CSMD1: variants seen among roughly 807,000 people sequenced by gnomAD.
The protein encoded by CSMD1 is CUB and Sushi multiple domains 1, also known as CUB and sushi domain-containing protein 1.
In CSMD1, 213 loss-of-function variants were observed where a neutral mutation model predicts 417.5. The observed-to-expected ratio is 0.51, with a 90% CI of 0.46 to 0.57. The LOEUF (loss-of-function observed/expected upper bound fraction) is 0.57. Among genes scored for constraint, CSMD1 ranks in the 20% least tolerant of loss-of-function variants. The pLI is 0.00. For missense variants in CSMD1, 6,923 were observed against 4,529.7 expected, an observed-to-expected ratio of 1.53 and a Z score of -15.17; for synonymous variants, 2,862 against 1,736.8, an observed-to-expected ratio of 1.65 and a Z score of -16.11.
intron 3 of CSMD1, among the ~76,000 whole-genome samples, chr8:4,106,600 C>T (rs550430189): frequency 1.3e-5 from 2 of 152,114 alleles, no homozygotes; most frequent in African/African-American, 2.4e-5. Flanking sequence ...ATTAATTTTA[C>T]GAATATATTT....
intron 10 of CSMD1, among the ~76,000 whole-genome samples, chr8:3,545,144 A>C (rs1798605604): frequency 6.6e-6 from 1 of 152,200 alleles, no homozygotes; most frequent in South Asian, 2.1e-4. Flanking sequence ...CTCCGTCATT[A>C]CTTGCAATCT....
intron 5 of CSMD1, among the ~76,000 whole-genome samples, chr8:3,974,333 G>A (rs911315534): frequency 6.6e-5 from 10 of 151,574 alleles, no homozygotes; most frequent in African/African-American, 2.4e-4. Flanking sequence ...CTTAAGCACT[G>A]TTTGAGTAGT....
chr8:3,206,400 G>T lies in CSMD1; in HGVS notation c.4868-780C>A, dbSNP rs1042515266. ...GTCTGTGTGTGTGTATGTGTGTGTG[G>T]GGGGTTATGTCTGTGTGTGTATGTG... On this transcript the variant is annotated intron_variant, in intron 30 of 69. Transcript: ENST00000635120. 8.0e-5 allele frequency among the ~76,000 whole-genome samples: 10 copies of T among 124,392 alleles called. 1 individual carries two copies. Among genetic ancestry groups the T allele is most frequent in the South Asian group, 5.5e-4 (2 of 3,624 alleles). The allele number at this position is 124,392 out of a possible 152,430, so 81.6% of individuals were successfully genotyped here.
chr8:3,587,509 CAT>C (rs1800656393), intron 8 of CSMD1, among the ~76,000 whole-genome samples: 1 of 128,170 alleles, frequency 7.8e-6, no homozygotes, highest in African/African-American at 2.6e-5. Flanking sequence ...ATAGGGGAAA[CAT>C]AAATAGATGC....
At chr8:3,421,495 AGAG>A (rs1430688440) in intron 12 of CSMD1, among the ~76,000 whole-genome samples, 3 of 152,256 alleles carry the variant, frequency 2.0e-5, no homozygotes, top group African/African-American at 4.8e-5. Flanking sequence ...AACAAAGAAT[AGAG>A]GAGTTCTCAC....
chr8:3,316,117 G>A (rs1278326895), intron 23 of CSMD1, among the ~76,000 whole-genome samples: 1 of 152,088 alleles, frequency 6.6e-6, no homozygotes, highest in Non-Finnish European at 1.5e-5. Flanking sequence ...GCACCTACAT[G>A]GATGAACTGA....
chr8:2,968,188 G>A (rs568883304), intron 57 of CSMD1, among the ~76,000 whole-genome samples: 19 of 152,280 alleles, frequency 1.2e-4, no homozygotes, highest in Admixed American at 2.6e-4. Flanking sequence ...GACTATCCAA[G>A]ACAACTATTC....
chr8:4,741,733 T>C (rs940385130), intron 1 of CSMD1, among the ~76,000 whole-genome samples: 2 of 152,140 alleles, frequency 1.3e-5, no homozygotes, highest in African/African-American at 4.8e-5. Flanking sequence ...ACATAGTAGC[T>C]TGTTAGAAGT....
At chr8:4,633,597 C>G (rs1431980220) in intron 2 of CSMD1, among the ~76,000 whole-genome samples, 1 of 151,894 alleles carries the variant, frequency 6.6e-6, no homozygotes, top group African/African-American at 2.4e-5. Flanking sequence ...ACCTCTGTCA[C>G]CCAGGCTGGA....
At chr8:3,511,492 C>T (rs1275110323) in intron 10 of CSMD1, among the ~76,000 whole-genome samples, 1 of 151,706 alleles carries the variant, frequency 6.6e-6, no homozygotes, top group Non-Finnish European at 1.5e-5. Context: ...CGTTGGCTCA[C>T]GGCTGTAATC....
intron 12 of CSMD1, among the ~76,000 whole-genome samples, chr8:3,442,267 T>C (rs1309849826): frequency 6.6e-6 from 1 of 152,104 alleles, no homozygotes; most frequent in Non-Finnish European, 1.5e-5. Context: ...GAAATAAATT[T>C]TATAAATAAA....
rs1799148435 is a variant in CSMD1, at chr8:3,556,415, T to TATATATATATATATATACATACATA, written c.1344+18529_1344+18530insTATGTATGTATATATATATATATAT. 6.0e-3 allele frequency among the ~76,000 whole-genome samples: 343 copies of TATATATATATATATATACATACATA among 56,972 alleles called. 12 individuals carry two copies. The highest frequency in any genetic ancestry group is 0.02 in the African/African-American group (312 of 15,958). The allele number at this position is 56,972 out of a possible 152,430, so 37.4% of individuals were successfully genotyped here. On this transcript the variant is annotated intron_variant, in intron 10 of 69. Transcript: ENST00000635120. ...TTAATATATATATATATATATATAT[T>TATATATATATATATATACATACATA]CACACACACAAAGAATTTATGAGGG...
chr8:3,728,334 C>T (rs62480989), intron 6 of CSMD1, among the ~76,000 whole-genome samples: 34,745 of 152,032 alleles, frequency 0.23, 4,334 homozygotes, highest in East Asian at 0.29. Context: ...CTCCCAGCCA[C>T]GTGGAACTGG....
chr8:3,565,824 T>C (rs1460083869), intron 10 of CSMD1, among the ~76,000 whole-genome samples: 1 of 152,184 alleles, frequency 6.6e-6, no homozygotes, highest in African/African-American at 2.4e-5. Context: ...ATATTGTTTT[T>C]TTTTTCTCCC....
At chr8:3,458,896 A>G (rs1816318724) in intron 12 of CSMD1, among the ~76,000 whole-genome samples, 1 of 152,206 alleles carries the variant, frequency 6.6e-6, no homozygotes. Flanking sequence ...TTAGCTAAAA[A>G]GGAGCTGCTG....
chr8:4,597,931 T>G (rs1800372967), intron 2 of CSMD1, among the ~76,000 whole-genome samples: 1 of 151,994 alleles, frequency 6.6e-6, no homozygotes, highest in Non-Finnish European at 1.5e-5. Flanking sequence ...TGGCTGCTCT[T>G]ATAATAAACA....
chr8:4,279,741 C>T (rs975707769), intron 3 of CSMD1, among the ~76,000 whole-genome samples: 2 of 152,022 alleles, frequency 1.3e-5, no homozygotes, highest in Non-Finnish European at 2.9e-5. Flanking sequence ...TGCAGCATTT[C>T]TAATGAAGAA....
chr8:3,696,304 G>C (rs1337842405), intron 7 of CSMD1, among the ~76,000 whole-genome samples: 1 of 152,120 alleles, frequency 6.6e-6, no homozygotes, highest in Admixed American at 6.5e-5. Context: ...GCAAAATATG[G>C]TGCCTTCCAT....
At chr8:3,374,952 G>A (rs1469967396) in intron 18 of CSMD1, among the ~76,000 whole-genome samples, 1 of 152,168 alleles carries the variant, frequency 6.6e-6, no homozygotes, top group Non-Finnish European at 1.5e-5. Flanking sequence ...GATGGGAGGA[G>A]GGCGGCAGTT....
Sources: gnomAD v4.1 joint callset for allele counts (sites outside exome capture counted in the v4.1 genomes callset) on GRCh38, gnomAD v4.1.1 for gene constraint, MANE v1.5 for transcripts, NCBI Gene and HGNC (gene_info 2026-07-23, HGNC 2026-07-21) for gene names.